ATP2C1: variants seen among roughly 807,000 people sequenced by gnomAD.
ATP2C1 encodes the protein ATPase secretory pathway Ca2+ transporting 1.
In ATP2C1, 31 loss-of-function variants were observed where a neutral mutation model predicts 120.5. That is an observed-to-expected ratio of 0.26 (90% CI 0.19 to 0.35). ATP2C1 has a LOEUF of 0.35. Among genes scored for constraint, ATP2C1 ranks in the 10% least tolerant of loss-of-function variants. The pLI is 1.00. For synonymous variants in ATP2C1, 351 were observed against 358.7 expected (o/e 0.98, Z 0.24); for missense variants, 731 against 1,107.5 (o/e 0.66, Z 4.83).
At chr3:130,935,211 TTAAC>T (rs1289620480) in intron 5 of ATP2C1, among the ~76,000 whole-genome samples, 1 of 152,218 alleles carries the variant, frequency 6.6e-6, no homozygotes, top group African/African-American at 2.4e-5. Flanking sequence ...TGAAAATTCT[TTAAC>T]TGGTAATTTT....
At chr3:130,879,092 T>C (rs1263790053) in intron 1 of ATP2C1, among the ~76,000 whole-genome samples, 1 of 152,204 alleles carries the variant, frequency 6.6e-6, no homozygotes, top group Non-Finnish European at 1.5e-5. Context: ...AGTCTCACTC[T>C]GTTGCCCAGG....
At chr3:130,970,465 C>T (rs2061257640) in intron 17 of ATP2C1, among the ~76,000 whole-genome samples, 1 of 151,734 alleles carries the variant, frequency 6.6e-6, no homozygotes, top group Admixed American at 6.6e-5. Context: ...GACCTCGGGT[C>T]ACTGCAACCT....
intron 22 of ATP2C1, 96 bp downstream of exon 22, chr3:130,994,194 T>C: frequency 6.9e-7 from 1 of 1,450,656 alleles, no homozygotes; most frequent in Non-Finnish European, 9.6e-7. Flanking sequence ...GAATTAGTAT[T>C]TAAACATTAG....
intron 18 of ATP2C1, 75 bp downstream of exon 18, chr3:130,975,563 C>T: frequency 6.7e-7 from 1 of 1,484,604 alleles, no homozygotes; most frequent in Non-Finnish European, 9.3e-7. Context: ...ATTCATGCTT[C>T]ACATTTGAGC....
intron 3 of ATP2C1, among the ~76,000 whole-genome samples, chr3:130,931,093 A>G (rs1231862258): frequency 1.3e-5 from 2 of 152,098 alleles, no homozygotes; most frequent in African/African-American, 4.8e-5. Flanking sequence ...GCAGTCACAT[A>G]TCTTAGTGAT....
chr3:130,885,099 A>T (rs925114228), intron 1 of ATP2C1, among the ~76,000 whole-genome samples: 1 of 151,828 alleles, frequency 6.6e-6, no homozygotes, highest in Non-Finnish European at 1.5e-5. Context: ...ACGCCCAGCT[A>T]ATTTTTGTAT....
intron 1 of ATP2C1, among the ~76,000 whole-genome samples, chr3:130,877,177 T>C (rs1326072035): frequency 6.6e-6 from 1 of 152,204 alleles, no homozygotes; most frequent in East Asian, 1.9e-4. Context: ...TTGTGTGGAA[T>C]ACATTTTTCC....
Position 131,001,417 on chromosome 3 carries a change from T to C in ATP2C1, c.*67T>C. On this transcript the variant is annotated 3_prime_UTR_variant, in exon 28 of 28. Coordinates refer to ENST00000510168, the MANE Select transcript of ATP2C1 (RefSeq NM_001378687.1). Reference sequence around the variant, plus strand: ...CTGAGGATCATTTAGAAGGGCAAGTTCAAGAGGATATGAAGATTTGAGAAC... The same window carrying C: ...CTGAGGATCATTTAGAAGGGCAAGTCCAAGAGGATATGAAGATTTGAGAAC... 1 of 1,580,592 alleles carries C rather than the reference T, an allele frequency of 6.3e-7. No homozygotes were observed. Among genetic ancestry groups the C allele is most frequent in the South Asian group, 1.2e-5 (1 of 86,854 alleles).
At chr3:130,915,578 G>C (rs1329259113) in intron 2 of ATP2C1, among the ~76,000 whole-genome samples, 1 of 152,122 alleles carries the variant, frequency 6.6e-6, no homozygotes, top group Non-Finnish European at 1.5e-5. Flanking sequence ...AGTTCTTGTA[G>C]CTATTGAGTT....
chr3:130,941,741 T>A, intron 8 of ATP2C1, 42 bp downstream of exon 8: 1 of 1,434,030 alleles, frequency 7.0e-7, no homozygotes, highest in Non-Finnish European at 9.8e-7. Flanking sequence ...AATACGTGGA[T>A]GTAGATTAAA....
intron 8 of ATP2C1, among the ~76,000 whole-genome samples, chr3:130,947,784 G>A (rs1297722407): frequency 1.3e-5 from 2 of 150,456 alleles, no homozygotes; most frequent in Non-Finnish European, 3.0e-5. Context: ...TTTTTTCCAC[G>A]CCCCTCCAAT....
chr3:130,942,449 C>T (rs1576814206), intron 8 of ATP2C1, among the ~76,000 whole-genome samples: 1 of 152,064 alleles, frequency 6.6e-6, no homozygotes, highest in South Asian at 2.1e-4. Flanking sequence ...CTTTCAAAAC[C>T]CATTAGTATG....
intron 1 of ATP2C1, among the ~76,000 whole-genome samples, chr3:130,879,023 G>C (rs1402246328): frequency 1.3e-5 from 2 of 151,976 alleles, no homozygotes; most frequent in African/African-American, 4.8e-5. Context: ...AACTATATAA[G>C]TATTGTTTAT....
At chr3:131,013,585 C>CT (rs2063426740) in intron 26 of ATP2C1, among the ~76,000 whole-genome samples, 1 of 152,208 alleles carries the variant, frequency 6.6e-6, no homozygotes, top group Non-Finnish European at 1.5e-5. Flanking sequence ...GTCTCATTGA[C>CT]TAAGTACTTA....
rs375576437 is a variant in ATP2C1, at chr3:130,979,915, C to T, written c.1741+496C>T. ...AAGAAGAGAATGAAAGTTAATTTCC[C>T]AGAGCCTCTAAACTGTAATTCATAC... On this transcript the variant is annotated intron_variant, in intron 19 of 27. Transcript: ENST00000510168. Among the ~76,000 whole-genome samples the T allele has an allele frequency of 1.6e-4, 25 of 152,246 alleles. 1 individual carries two copies. In the South Asian group the frequency reaches 4.8e-3, roughly 29 times the overall value.
intron 2 of ATP2C1, among the ~76,000 whole-genome samples, chr3:130,929,458 A>G (rs982363461): frequency 5.3e-5 from 8 of 152,220 alleles, no homozygotes; most frequent in Admixed American, 2.6e-4. Context: ...GAAATATTTT[A>G]TCCTAAAAAT....
At position 130,939,499 on chromosome 3, in the gene ATP2C1, G is replaced by C. The variant is rs1009340571; in HGVS notation, c.361-1131G>C. On this transcript the variant is annotated intron_variant, in intron 6 of 27. Coordinates refer to ENST00000510168, the MANE Select transcript of ATP2C1 (RefSeq NM_001378687.1). ...AGGTGGTATGTTTAATGATCATTTT[G>C]ATATAGAGGTATCTTTATAATTGTA... Among the ~76,000 whole-genome samples, 58 of 152,160 alleles carry C rather than the reference G, an allele frequency of 3.8e-4. 1 individual carries two copies. The highest frequency in any genetic ancestry group is 1.4e-3 in the African/African-American group (56 of 41,438).
At chr3:130,902,284 G>GTTTTTTTTTTTT (rs1157956407) in intron 2 of ATP2C1, among the ~76,000 whole-genome samples, 6 of 65,502 alleles carry the variant, frequency 9.2e-5, no homozygotes, top group African/African-American at 3.4e-4. Flanking sequence ...AAGGCTTCAC[G>GTTTTTTTTTTTT]TTTTTTTTTT....
intron 20 of ATP2C1, among the ~76,000 whole-genome samples, chr3:130,992,208 A>C (rs1422553121): frequency 1.3e-5 from 2 of 152,100 alleles, no homozygotes; most frequent in African/African-American, 2.4e-5. Flanking sequence ...CCCCAGTGGT[A>C]CTATTTGAGG....
Sources: gnomAD v4.1 joint callset for allele counts (sites outside exome capture counted in the v4.1 genomes callset) on GRCh38, gnomAD v4.1.1 for gene constraint, MANE v1.5 for transcripts, NCBI Gene and HGNC (gene_info 2026-07-23, HGNC 2026-07-21) for gene names.